KCP: variants seen among roughly 807,000 people sequenced by gnomAD.
The protein encoded by KCP is kielin cysteine rich BMP regulator.
KCP carries 194 observed loss-of-function variants against 212.7 expected under a neutral mutation model. That is an observed-to-expected ratio of 0.91 (90% confidence interval 0.81 to 1.03). The LOEUF is 1.03. Ranked by LOEUF, KCP falls within the 50% of genes least tolerant of loss-of-function variation. The pLI is 0.00. For missense variants in KCP, 2,080 were observed against 2,162.5 expected (o/e 0.96, Z 0.76); for synonymous variants, 833 against 865.3 (o/e 0.96, Z 0.65).
chr7:128,884,928 G>T, intron 27 of KCP, 65 bp from the exon 28 acceptor site: 1 of 1,507,622 alleles, frequency 6.6e-7, no homozygotes, highest in Non-Finnish European at 9.0e-7. Flanking sequence ...AGGCAGGGGT[G>T]GAGTCCTCTA....
chr7:128,901,801 C>T (rs1218028566), intron 8 of KCP, among the ~76,000 whole-genome samples: 1 of 152,170 alleles, frequency 6.6e-6, no homozygotes, highest in Admixed American at 6.5e-5. Flanking sequence ...TAGTCCTCAG[C>T]AAGCTGTCAG....
chr7:128,884,122 G>C lies in KCP; in HGVS notation c.3124C>G (p.Pro1042Ala). ...AGGCTGGGAGGCCCCTCAGGCTGTG[G>C]CTACAAGAATGAGTGAGCAGCGGTG... ...ADPCEVCICE[P>A]QPEGPPSLRC... The change falls in exon 29 of 40, where the codon CCA (proline) becomes GCA (alanine). Residue 1042 changes from proline to alanine, a missense_variant and splice_region_variant. Pro to Ala is a conservative substitution (Grantham distance 27). Transcript: ENST00000610776. 1 of 1,543,116 alleles carries C rather than the reference G, an allele frequency of 6.5e-7. No homozygotes were observed. The highest frequency in any genetic ancestry group is 1.2e-5 in the South Asian group (1 of 83,688).
At chr7:128,903,987 G>T in intron 6 of KCP, 69 bp downstream of exon 6, 2 of 1,440,922 alleles carry the variant, frequency 1.4e-6, no homozygotes, top group Non-Finnish European at 1.9e-6. Context: ...GGAGTGGCAG[G>T]CAGGGCCCAG....
chr7:128,894,596 C>A (rs1319871266), intron 8 of KCP, among the ~76,000 whole-genome samples: 1 of 151,496 alleles, frequency 6.6e-6, no homozygotes, highest in Non-Finnish European at 1.5e-5. Context: ...GCTGATAAAA[C>A]AAGTTGCAGG....
chr7:128,893,148 C>T lies in KCP; in HGVS notation c.1267+90G>A, dbSNP rs1236551634. Reference sequence around the variant, plus strand: ...GTAGAATGGCTAGTGGACTTAGCAACCCGTACCCCGTCCTGGGAAGGAGCA... The same window carrying T: ...GTAGAATGGCTAGTGGACTTAGCAATCCGTACCCCGTCCTGGGAAGGAGCA... On this transcript the variant is annotated intron_variant, in intron 13 of 39. Coordinates refer to ENST00000610776, the MANE Select transcript of KCP (RefSeq NM_001366122.1). 5.2e-6 allele frequency: 7 copies of T among 1,336,754 alleles called. No homozygotes were observed. In the African/African-American group the frequency reaches 8.7e-5, roughly 17 times the overall value. The allele number at this position is 1,336,754 out of a possible 1,614,324, so 82.8% of individuals were successfully genotyped here.
At chr7:128,909,465 A>T (rs768692111) in intron 1 of KCP, among the ~76,000 whole-genome samples, 33 of 152,186 alleles carry the variant, frequency 2.2e-4, no homozygotes, top group Non-Finnish European at 4.0e-4. Context: ...CTAGGCTAAA[A>T]TTGAACTTGC....
chr7:128,879,744 G>T lies in KCP; in HGVS notation c.4018C>A (p.Arg1340=). The T allele has an allele frequency of 6.5e-7, 1 of 1,550,148 alleles. No individual in the cohort carries two copies. The highest frequency in any genetic ancestry group is 8.7e-7 in the Non-Finnish European group (1 of 1,146,966). The change falls in exon 36 of 40, where the codon CGG becomes AGG. Residue 1340 remains arginine, a synonymous_variant. Coordinates refer to ENST00000610776, the MANE Select transcript of KCP (RefSeq NM_001366122.1). The part of the protein sequence containing the change: ...VAVLLGDMAV[R]LLQDGAVTVD... ...GTGACTGCCCCGTCCTGCAGCAGCC[G>T]CACGGCCATGTCTCCCAGCAGCACC...
At chr7:128,888,629 TACAG>T (rs1355675765) in intron 22 of KCP, among the ~76,000 whole-genome samples, 1 of 66,296 alleles carries the variant, frequency 1.5e-5, no homozygotes, top group Admixed American at 1.4e-4. Context: ...CACACACACA[TACAG>T]ACACACACAC....
Position 128,900,385 on chromosome 7 carries a change from C to T in KCP, c.831+2392G>A, listed in dbSNP as rs561456217. On this transcript the variant is annotated intron_variant, in intron 8 of 39. Transcript: ENST00000610776. ...GCTCCTGTGACCCAACCAGAGCTCT[C>T]TGGCTGCTGCTCAAAAGAAACAAAA... Among the ~76,000 whole-genome samples the T allele has an allele frequency of 4.6e-5, 7 of 152,296 alleles. No homozygotes were observed. In the East Asian group the frequency reaches 1.3e-3, roughly 29 times the overall value.
intron 5 of KCP, among the ~76,000 whole-genome samples, chr7:128,905,001 T>G (rs1244547794): frequency 2.2e-5 from 3 of 138,352 alleles, no homozygotes; most frequent in Admixed American, 6.9e-5. Context: ...GTGTGTGTGT[T>G]GGGGGAGCGG....
chr7:128,905,149 T>G (rs961142780), intron 5 of KCP, among the ~76,000 whole-genome samples: 3 of 152,026 alleles, frequency 2.0e-5, no homozygotes, highest in Non-Finnish European at 2.9e-5. Flanking sequence ...CCTTTCTTAC[T>G]ACCAACTGAG....
intron 29 of KCP, 133 bp from the exon 30 acceptor site, chr7:128,882,149 C>T (rs955984625): frequency 1.6e-6 from 1 of 630,976 alleles, no homozygotes; most frequent in Middle Eastern, 2.5e-4. Context: ...AGCACCTTGA[C>T]TCCAGGGAGG....
Position 128,884,819 on chromosome 7 carries a change from G to GGAAGCTCTCCCCAGGCTC in KCP, c.3067_3084dup (p.Glu1023_Phe1028dup). ...ACTTCACAGGGGTCTGCCCCAGGCTGGAAGCTCTCCCCAGGCTCGTACTTC... is the reference window on the plus strand; with the variant it reads ...ACTTCACAGGGGTCTGCCCCAGGCTGGAAGCTCTCCCCAGGCTCGAAGCTCTCCCCAGGCTCGTACTTC... On this transcript the variant is annotated inframe_insertion, in exon 28 of 40. Transcript: ENST00000610776. 6.4e-7 allele frequency: 1 copy of GGAAGCTCTCCCCAGGCTC among 1,550,912 alleles called. No homozygotes were observed. Among genetic ancestry groups the GGAAGCTCTCCCCAGGCTC allele is most frequent in the African/African-American group, 1.4e-5 (1 of 73,108 alleles).
At chr7:128,906,002 T>C (rs1223196658) in intron 5 of KCP, among the ~76,000 whole-genome samples, 2 of 152,154 alleles carry the variant, frequency 1.3e-5, no homozygotes, top group Non-Finnish European at 2.9e-5. Flanking sequence ...TTCAATCTTG[T>C]GGTAGCTTGG....
rs1008826224 is a variant in KCP, at chr7:128,881,042, C to G, written c.3468G>C (p.Glu1156Asp). ...ACGCATTGCTGGGGTCCCGCCAGCTCTCTCCATCTGCCACTCTCCGGCCCT... is the reference window on the plus strand; with the variant it reads ...ACGCATTGCTGGGGTCCCGCCAGCTGTCTCCATCTGCCACTCTCCGGCCCT... The part of the protein sequence containing the change: ...EAEGRRVADG[E>D]SWRDPSNACI... The change falls in exon 32 of 40, where the codon GAG becomes GAC. Residue 1156 changes from glutamate to aspartate, a missense_variant. Transcript: ENST00000610776. 1 of 398,810 alleles carries G rather than the reference C, an allele frequency of 2.5e-6. No individual in the cohort carries two copies. Among genetic ancestry groups the G allele is most frequent in the African/African-American group, 2.1e-5 (1 of 48,648 alleles). The allele number at this position is 398,810 out of a possible 1,614,324, so 24.7% of individuals were successfully genotyped here.
chr7:128,896,218 C>T (rs949710340), intron 8 of KCP, among the ~76,000 whole-genome samples: 2 of 152,082 alleles, frequency 1.3e-5, no homozygotes, highest in South Asian at 2.1e-4. Context: ...CACTGACTGG[C>T]GGACTGTGGG....
intron 37 of KCP, chr7:128,879,082 G>A: frequency 2.7e-6 from 1 of 366,006 alleles, no homozygotes; most frequent in South Asian, 4.6e-5. Flanking sequence ...TTAGGGTCCG[G>A]ATTAGAAGTG....
Position 128,887,226 on chromosome 7 carries a change from A to T in KCP, c.2587T>A (p.Cys863Ser), listed in dbSNP as rs1793709305. The change falls in exon 23 of 40, where the codon TGC becomes AGC. Residue 863 changes from cysteine to serine, a missense_variant. Transcript: ENST00000610776. ...PDPLDPTCSL[C>S]TCQEGSMRCQ... Reference sequence around the variant, plus strand: ...AGGGGCTGCCTCACCTGGCAGGTGCAGAGGGAGCAGGTAGGGTCAAGTGGG... The same window carrying T: ...AGGGGCTGCCTCACCTGGCAGGTGCTGAGGGAGCAGGTAGGGTCAAGTGGG... 1 of 1,551,356 alleles carries T rather than the reference A, an allele frequency of 6.4e-7. No individual in the cohort carries two copies. The highest frequency in any genetic ancestry group is 8.7e-7 in the Non-Finnish European group (1 of 1,146,820).
In KCP at chr7:128,893,808, T is replaced by A; in HGVS notation, c.1097A>T (p.Asp366Val). ...CAGAGACCCCGGCCCCCACTCACCA[T>A]CGCAGACAGGGCAGCACTGCCCAGG... ...KIPGQCCPVC[D>V]GCEYQGHQYQ... Residue 366 changes from aspartate to valine, a missense_variant and splice_region_variant, in exon 11 of 40, where the codon GAT becomes GTT. Transcript: ENST00000610776. The A allele has an allele frequency of 7.1e-6, 11 of 1,550,508 alleles. No individual in the cohort carries two copies. Among genetic ancestry groups the A allele is most frequent in the Non-Finnish European group, 9.6e-6 (11 of 1,146,834 alleles).
Sources: allele counts gnomAD v4.1 joint callset (sites outside exome capture counted in the v4.1 genomes callset), GRCh38; gene constraint gnomAD v4.1.1; transcripts MANE v1.5; gene names NCBI Gene and HGNC (gene_info 2026-07-23, HGNC 2026-07-21).